The following IGBP1 variants were observed in gnomAD, a reference collection of about 807,000 sequenced individuals.
IGBP1 encodes immunoglobulin binding protein 1.
Under a neutral mutation model 25.9 loss-of-function variants are expected in IGBP1, and 2 were observed. The ratio of observed to expected loss-of-function variants is 0.08; its 90% confidence interval spans 0.03 to 0.24. The LOEUF (loss-of-function observed/expected upper bound fraction) is 0.24, where lower values mean the gene tolerates loss of function less well. IGBP1 is among the 10% of genes least tolerant of loss of function. IGBP1 has a pLI of 1.00. For missense variants in IGBP1, 187 were observed against 260.4 expected, an observed-to-expected ratio of 0.72 and a Z score of 1.94; for synonymous variants, 96 against 93.4, an observed-to-expected ratio of 1.03 and a Z score of -0.16.
rs1463942537 is a variant in IGBP1, at chrX:70,154,364, G to A, written c.871+4042G>A. ...TGGGATTACAGGTGTGAGCCACTGC[G>A]CCTGGCCCCCATCACATAATTTTAA... On this transcript the variant is annotated intron_variant, in intron 6 of 6. Coordinates refer to ENST00000356413, the MANE Select transcript of IGBP1 (RefSeq NM_001551.3). 1.8e-4 allele frequency among the ~76,000 whole-genome samples: 19 copies of A among 105,344 alleles called. No individual in the cohort carries two copies. In the Admixed American group the frequency reaches 1.8e-3, roughly 10 times the overall value. The allele number at this position is 105,344 out of a possible 115,157, so 91.5% of individuals were successfully genotyped here. A position where few individuals can be genotyped will look rare whatever the true frequency, so the allele number is the denominator to read the frequency against.
At chrX:70,164,434 G>A (rs766712058) in intron 6 of IGBP1, among the ~76,000 whole-genome samples, 2 of 111,772 alleles carry the variant, frequency 1.8e-5, no homozygotes, top group Admixed American at 1.9e-4. Context: ...TGGGCACAAG[G>A]GATCTTTTGG....
intron 6 of IGBP1, among the ~76,000 whole-genome samples, chrX:70,155,575 G>A (rs1223092635): frequency 1.8e-5 from 2 of 109,180 alleles, no homozygotes; most frequent in Non-Finnish European, 3.8e-5. Flanking sequence ...TCCAAAATCC[G>A]AAACTTCTTA....
chrX:70,160,812 A>G (rs1371912123), intron 6 of IGBP1, among the ~76,000 whole-genome samples: 1 of 112,185 alleles, frequency 8.9e-6, no homozygotes, highest in Non-Finnish European at 1.9e-5. Flanking sequence ...CTCAGTAATT[A>G]TATTGGTGGA....
chrX:70,144,110 C>G (rs887930010), intron 3 of IGBP1, among the ~76,000 whole-genome samples: 1 of 112,178 alleles, frequency 8.9e-6, no homozygotes, highest in Non-Finnish European at 1.9e-5. Context: ...ATCACTTGAA[C>G]CCAGGAGGTG....
intron 6 of IGBP1, among the ~76,000 whole-genome samples, chrX:70,154,467 A>G (rs2085224816): frequency 9.2e-6 from 1 of 108,436 alleles, no homozygotes; most frequent in Non-Finnish European, 1.9e-5. Flanking sequence ...TTATCAAGAG[A>G]ATGAGAAAAC....
At chrX:70,162,213 A>G (rs1236474716) in intron 6 of IGBP1, among the ~76,000 whole-genome samples, 2 of 111,588 alleles carry the variant, frequency 1.8e-5, no homozygotes, top group Non-Finnish European at 3.8e-5. Context: ...TATCAGTGTG[A>G]AGTCAGGTTG....
chrX:70,155,711 A>G (rs2085236093), intron 6 of IGBP1, among the ~76,000 whole-genome samples: 1 of 111,272 alleles, frequency 9.0e-6, no homozygotes, highest in Non-Finnish European at 1.9e-5. Flanking sequence ...TTCTGGTCCC[A>G]TGCATTTCAG....
At position 70,133,856 on chromosome X, in the gene IGBP1, CT is replaced by C; in HGVS notation, c.-90del. 1.2e-6 allele frequency: 1 copy of C among 806,140 alleles called. No homozygotes were observed. 66.4% of individuals were successfully genotyped at this position (806,140 alleles called of 1,213,427 possible). A position where few individuals can be genotyped will look rare whatever the true frequency, so the allele number is the denominator to read the frequency against. ...AAGCTACTGGACCAATGAGGTGCTT[CT>C]TCCGGTTTTGTCCGCGCTCGCCTAA... is the stretch of plus-strand genomic sequence containing the variant. On this transcript the variant is annotated 5_prime_UTR_variant, in exon 2 of 7. The change creates a premature stop within an existing upstream ORF in the 5' untranslated region. Coordinates refer to ENST00000356413, the MANE Select transcript of IGBP1 (RefSeq NM_001551.3).
chrX:70,141,311 C>A (rs746949494), intron 3 of IGBP1, among the ~76,000 whole-genome samples: 1 of 109,040 alleles, frequency 9.2e-6, no homozygotes, highest in Non-Finnish European at 1.9e-5. Flanking sequence ...TGCGCCACTG[C>A]ACTCTAGCCT....
chrX:70,146,755 A>G lies in IGBP1; in HGVS notation c.605A>G (p.Asp202Gly), dbSNP rs769740703. 2.5e-6 allele frequency: 3 copies of G among 1,204,085 alleles called. No individual in the cohort carries two copies. The Admixed American group carries it at 6.6e-5, about 26-fold the overall frequency. The change falls in exon 4 of 7, where the codon GAT becomes GGT. Residue 202 changes from aspartate to glycine, a missense_variant. Coordinates refer to ENST00000356413, the MANE Select transcript of IGBP1 (RefSeq NM_001551.3). ...CTTCTTCACCTTCAGAGGTGGATTGATATCAGCTTAGAAGAGATTGAGAGC... is the reference window on the plus strand; with the variant it reads ...CTTCTTCACCTTCAGAGGTGGATTGGTATCAGCTTAGAAGAGATTGAGAGC... ...YYLLHLQRWI[D>G]ISLEEIESID... is the part of the protein sequence containing the mutation.
intron 6 of IGBP1, among the ~76,000 whole-genome samples, chrX:70,159,451 A>C (rs1254373144): frequency 1.8e-5 from 2 of 111,822 alleles, no homozygotes; most frequent in Non-Finnish European, 3.8e-5. Context: ...CGCGACCCAC[A>C]GGCAGCCACA....
At chrX:70,154,161 C>T (rs999992308) in intron 6 of IGBP1, among the ~76,000 whole-genome samples, 4 of 106,898 alleles carry the variant, frequency 3.7e-5, no homozygotes, top group Non-Finnish European at 7.7e-5. Context: ...GGGTTCACGC[C>T]ATTCACGCCA....
At chrX:70,154,767 C>T (rs2085228724) in intron 6 of IGBP1, among the ~76,000 whole-genome samples, 1 of 87,351 alleles carries the variant, frequency 1.1e-5, no homozygotes, top group Non-Finnish European at 2.1e-5. Flanking sequence ...TGTGATGGTT[C>T]GTGCCTGTAG....
At chrX:70,138,078 G>A (rs924473274) in intron 3 of IGBP1, among the ~76,000 whole-genome samples, 1 of 111,017 alleles carries the variant, frequency 9.0e-6, no homozygotes, top group African/African-American at 3.3e-5. Flanking sequence ...GGAGGCTGCA[G>A]TGAGCCGAGA....
At chrX:70,161,388 G>T (rs746448807) in intron 6 of IGBP1, among the ~76,000 whole-genome samples, 1 of 111,410 alleles carries the variant, frequency 9.0e-6, no homozygotes, top group South Asian at 3.8e-4. Flanking sequence ...CCAAATCTTG[G>T]TTTCTAATAC....
intron 3 of IGBP1, among the ~76,000 whole-genome samples, chrX:70,140,346 AAAG>A (rs1234161246): frequency 8.9e-6 from 1 of 112,189 alleles, no homozygotes; most frequent in African/African-American, 3.2e-5. Context: ...AGGTATGTTC[AAAG>A]ACTACATAAT....
chrX:70,159,024 A>G (rs763618451), intron 6 of IGBP1, among the ~76,000 whole-genome samples: 1 of 112,299 alleles, frequency 8.9e-6, no homozygotes, highest in South Asian at 3.7e-4. Context: ...AAAACAGAAC[A>G]AATCTGAAAC....
intron 3 of IGBP1, among the ~76,000 whole-genome samples, chrX:70,138,516 A>T (rs2085111038): frequency 3.7e-5 from 4 of 107,094 alleles, no homozygotes; most frequent in Admixed American, 3.0e-4. Context: ...TTCTGAATGT[A>T]AAAGTCATAG....
intron 3 of IGBP1, among the ~76,000 whole-genome samples, chrX:70,139,812 G>A (rs2085119190): frequency 8.9e-6 from 1 of 111,848 alleles, no homozygotes; most frequent in African/African-American, 3.2e-5. Flanking sequence ...TTTCTCAGCT[G>A]AGATAGACAA....
Sources: gnomAD v4.1 joint callset for allele counts (sites outside exome capture counted in the v4.1 genomes callset) on GRCh38, gnomAD v4.1.1 for gene constraint, MANE v1.5 for transcripts, NCBI Gene and HGNC (gene_info 2026-07-23, HGNC 2026-07-21) for gene names.